The following CNTN1 variants were observed in gnomAD, a reference collection of about 807,000 sequenced individuals.
CNTN1 encodes contactin-1.
Under a neutral mutation model 126.4 loss-of-function variants are expected in CNTN1, and 38 were observed. That is an observed-to-expected ratio of 0.30 (90% CI 0.23 to 0.39). The LOEUF is 0.39. CNTN1 is among the 10% of genes least tolerant of loss of function. CNTN1 has a pLI of 1.00. For synonymous variants in CNTN1, 413 were observed against 422.6 expected, an observed-to-expected ratio of 0.98 and a Z score of 0.28; for missense variants, 1,009 against 1,248.4, an observed-to-expected ratio of 0.81 and a Z score of 2.89.
intron 1 of CNTN1, among the ~76,000 whole-genome samples, chr12:40,888,756 G>A (rs11178907): frequency 0.11 from 16,244 of 152,190 alleles, 1,092 homozygotes; most frequent in Admixed American, 0.18. Context: ...GAGAGACTAC[G>A]GGCCCATTTT....
chr12:40,857,495 A>T (rs1351003015), intron 1 of CNTN1, among the ~76,000 whole-genome samples: 1 of 152,058 alleles, frequency 6.6e-6, no homozygotes, highest in Non-Finnish European at 1.5e-5. Flanking sequence ...GGGGTTAGAA[A>T]CATTTATACC....
chr12:40,699,974 A>C (rs748488612), intron 1 of CNTN1, among the ~76,000 whole-genome samples: 1 of 152,200 alleles, frequency 6.6e-6, no homozygotes, highest in Non-Finnish European at 1.5e-5. Context: ...CAATCTAGTA[A>C]AAATGTATTG....
intron 1 of CNTN1, among the ~76,000 whole-genome samples, chr12:40,716,221 T>C (rs1363013416): frequency 1.3e-5 from 2 of 151,416 alleles, no homozygotes; most frequent in Admixed American, 1.3e-4. Flanking sequence ...CCATTCCTTC[T>C]CTCTCTCTCT....
intron 1 of CNTN1, among the ~76,000 whole-genome samples, chr12:40,809,104 T>C (rs1342870771): frequency 6.6e-6 from 1 of 152,202 alleles, no homozygotes; most frequent in African/African-American, 2.4e-5. Context: ...CTAATTGAAA[T>C]ATTGTGTATT....
chr12:40,908,094 T>C (rs527513113), intron 1 of CNTN1, among the ~76,000 whole-genome samples: 3 of 152,358 alleles, frequency 2.0e-5, no homozygotes, highest in Admixed American at 6.5e-5. Flanking sequence ...GATTGCATTG[T>C]GTCAATACTA....
chr12:40,749,789 C>T lies in CNTN1; in HGVS notation c.-77+57197C>T, dbSNP rs994906073. Reference sequence around the variant, plus strand: ...TTTCATGAAAAGTAAATCTATATGTCGTGGCAATAGGTGTTGTGCAGGGCT... The same window carrying T: ...TTTCATGAAAAGTAAATCTATATGTTGTGGCAATAGGTGTTGTGCAGGGCT... On this transcript the variant is annotated intron_variant, in intron 1 of 23. Coordinates refer to ENST00000551295, the MANE Select transcript of CNTN1 (RefSeq NM_001843.4). Among the ~76,000 whole-genome samples, 6 of 96,286 alleles carry T rather than the reference C, an allele frequency of 6.2e-5. 2 individuals carry two copies. The highest frequency in any genetic ancestry group is 1.9e-4 in the African/African-American group (5 of 26,750). The allele number at this position is 96,286 out of a possible 152,430, so 63.2% of individuals were successfully genotyped here. A position where few individuals can be genotyped will look rare whatever the true frequency, so the allele number is the denominator to read the frequency against.
In CNTN1 at chr12:40,940,983, C is replaced by T. The variant is rs185979254; in HGVS notation, c.1379+1498C>T. ...CAATGGACAAACCATTAGTTCTCTT[C>T]CGTGATAATAAAATCTTTTTCTGAT... On this transcript the variant is annotated intron_variant, in intron 12 of 23. Coordinates refer to ENST00000551295, the MANE Select transcript of CNTN1 (RefSeq NM_001843.4). Among the ~76,000 whole-genome samples the T allele has an allele frequency of 4.3e-3, 662 of 152,240 alleles. 5 individuals are homozygous for T. Among genetic ancestry groups the T allele is most frequent in the African/African-American group, 0.011 (474 of 41,550 alleles).
intron 1 of CNTN1, among the ~76,000 whole-genome samples, chr12:40,887,068 T>C (rs890469758): frequency 3.3e-5 from 5 of 152,110 alleles, no homozygotes; most frequent in Non-Finnish European, 7.4e-5. Flanking sequence ...TTTGGTTCCA[T>C]ATGAACTTTA....
chr12:40,818,610 G>C (rs1941331902), intron 1 of CNTN1, among the ~76,000 whole-genome samples: 1 of 152,098 alleles, frequency 6.6e-6, no homozygotes, highest in African/African-American at 2.4e-5. Flanking sequence ...CATTGGGTTA[G>C]AACATGCTCC....
At chr12:40,759,780 T>TA (rs1565696277) in intron 1 of CNTN1, among the ~76,000 whole-genome samples, 4 of 151,044 alleles carry the variant, frequency 2.6e-5, no homozygotes, top group Admixed American at 1.3e-4. Flanking sequence ...AGATATTTTT[T>TA]TTTTTTTTTT....
At chr12:40,924,004 T>C (rs1221391059) in intron 5 of CNTN1, among the ~76,000 whole-genome samples, 1 of 151,746 alleles carries the variant, frequency 6.6e-6, no homozygotes, top group African/African-American at 2.4e-5. Flanking sequence ...TCCAAATACA[T>C]AGAAAAGAGT....
At chr12:40,695,563 A>T (rs542683540) in intron 1 of CNTN1, among the ~76,000 whole-genome samples, 2 of 152,152 alleles carry the variant, frequency 1.3e-5, no homozygotes. Context: ...CTATTTCTAC[A>T]TGTAAATTGG....
chr12:41,031,395 T>TA (rs1215385610), intron 23 of CNTN1, among the ~76,000 whole-genome samples: 1 of 152,166 alleles, frequency 6.6e-6, no homozygotes, highest in Non-Finnish European at 1.5e-5. Context: ...AATAAGAACC[T>TA]AAAAAACATT....
chr12:40,890,664 T>C (rs1944210645), intron 1 of CNTN1, among the ~76,000 whole-genome samples: 2 of 152,204 alleles, frequency 1.3e-5, no homozygotes, highest in Non-Finnish European at 2.9e-5. Flanking sequence ...TTCCTTAATA[T>C]ATTCTCCTGG....
chr12:40,840,931 G>A (rs978183627), intron 1 of CNTN1, among the ~76,000 whole-genome samples: 1 of 146,802 alleles, frequency 6.8e-6, no homozygotes, highest in African/African-American at 2.5e-5. Context: ...TTCAAAATTA[G>A]CAGATGAAAA....
chr12:40,800,559 A>G (rs1353382201), intron 1 of CNTN1, among the ~76,000 whole-genome samples: 1 of 152,054 alleles, frequency 6.6e-6, no homozygotes. Context: ...CAGGCTTCCC[A>G]GACAACTGAG....
intron 1 of CNTN1, among the ~76,000 whole-genome samples, chr12:40,871,207 A>G (rs1163403603): frequency 2.0e-5 from 3 of 150,866 alleles, no homozygotes; most frequent in African/African-American, 7.3e-5. Flanking sequence ...AAAAAAAAAA[A>G]AAAAAAACAG....
At chr12:40,725,279 T>C (rs574387707) in intron 1 of CNTN1, among the ~76,000 whole-genome samples, 140 of 151,542 alleles carry the variant, frequency 9.2e-4, no homozygotes, top group Non-Finnish European at 1.5e-3. Flanking sequence ...TGCATGCCTG[T>C]AATTCCAGCT....
chr12:40,763,006 C>T (rs7296560), intron 1 of CNTN1: 21,611 of 152,138 alleles, frequency 0.14, 1,726 homozygotes, highest in South Asian at 0.2. Context: ...CCTGCGGTAA[C>T]GATTGAATTC....
Sources: allele counts gnomAD v4.1 joint callset (sites outside exome capture counted in the v4.1 genomes callset), GRCh38; gene constraint gnomAD v4.1.1; transcripts MANE v1.5; gene names NCBI Gene and HGNC (gene_info 2026-07-23, HGNC 2026-07-21).